DACH2: variants seen among roughly 807,000 people sequenced by gnomAD.
The protein encoded by DACH2 is dachshund homolog 2.
Under a neutral mutation model 35.8 loss-of-function variants are expected in DACH2, and 17 were observed. That is an observed-to-expected ratio of 0.48 (90% CI 0.33 to 0.71). The LOEUF (loss-of-function observed/expected upper bound fraction) is 0.71. Among genes scored for constraint, DACH2 ranks in the 30% least tolerant of loss-of-function variants. The pLI is 0.02. For synonymous variants in DACH2, 195 were observed against 177.3 expected (o/e 1.10, Z -0.79); for missense variants, 469 against 472.7 (o/e 0.99, Z 0.07).
intron 1 of DACH2, among the ~76,000 whole-genome samples, chrX:86,201,595 T>A (rs964137120): frequency 9.0e-6 from 1 of 111,406 alleles, no homozygotes; most frequent in Non-Finnish European, 1.9e-5. Context: ...TTAACTGCTG[T>A]TCATATTTAA....
chrX:86,332,064 G>A (rs191322873), intron 1 of DACH2, among the ~76,000 whole-genome samples: 32 of 111,401 alleles, frequency 2.9e-4, no homozygotes, highest in African/African-American at 1.0e-3. Context: ...TGCCTGAACA[G>A]TATAGTGACT....
Position 86,220,018 on chromosome X carries a change from AG to A in DACH2, c.488+70912del, listed in dbSNP as rs544287157. The stretch of plus-strand genomic sequence containing the variant: ...CTAAAAATACAAAAAAAAAAAAAAA[AG>A]GCCGGGCGTGGTGGTGCATGCCTGT... On this transcript the variant is annotated intron_variant, in intron 1 of 11. Coordinates refer to ENST00000373125, the MANE Select transcript of DACH2 (RefSeq NM_053281.3). Among the ~76,000 whole-genome samples the A allele has an allele frequency of 4.2e-3, 417 of 99,613 alleles. 15 individuals carry two copies. Among genetic ancestry groups the A allele is most frequent in the African/African-American group, 0.01 (280 of 27,479 alleles). 86.5% of individuals were successfully genotyped at this position (99,613 alleles called of 115,157 possible).
At chrX:86,505,196 T>G (rs924471546) in intron 2 of DACH2, among the ~76,000 whole-genome samples, 2 of 111,877 alleles carry the variant, frequency 1.8e-5, no homozygotes, top group Non-Finnish European at 3.8e-5. Flanking sequence ...TTCAAAATGA[T>G]TTCAGTGGAA....
At chrX:86,584,504 A>AT (rs2039543730) in intron 3 of DACH2, among the ~76,000 whole-genome samples, 1 of 109,499 alleles carries the variant, frequency 9.1e-6, no homozygotes, top group Admixed American at 9.8e-5. Context: ...ATTTAGGTTC[A>AT]TTTTTCTCTT....
At chrX:86,709,174 G>T (rs1157112258) in intron 5 of DACH2, among the ~76,000 whole-genome samples, 3 of 111,603 alleles carry the variant, frequency 2.7e-5, no homozygotes, top group African/African-American at 9.8e-5. Flanking sequence ...TAGTAATCAT[G>T]GTAGTGTGAT....
intron 7 of DACH2, among the ~76,000 whole-genome samples, chrX:86,779,167 TA>T (rs941113339): frequency 1.8e-5 from 2 of 111,800 alleles, no homozygotes; most frequent in African/African-American, 6.5e-5. Context: ...GTTATGGAAA[TA>T]ATAGACCAGA....
At chrX:86,175,333 A>G (rs2031265199) in intron 1 of DACH2, among the ~76,000 whole-genome samples, 1 of 112,390 alleles carries the variant, frequency 8.9e-6, no homozygotes. Flanking sequence ...GGATGTGGCA[A>G]TGAAAGTCAA....
In DACH2 at chrX:86,417,848, G is replaced by A. The variant is rs144884075; in HGVS notation, c.527+40986G>A. ...CTCATTTAAATGTCCATAGTTCAAT[G>A]TCTCATCTGAGACAAGGCAAGTACC... On this transcript the variant is annotated intron_variant, in intron 2 of 11. Transcript: ENST00000373125. 3.0e-3 allele frequency among the ~76,000 whole-genome samples: 339 copies of A among 111,399 alleles called. 1 individual carries two copies. The highest frequency in any genetic ancestry group is 0.011 in the African/African-American group (326 of 30,660).
intron 6 of DACH2, among the ~76,000 whole-genome samples, chrX:86,736,097 A>G (rs2041592405): frequency 9.0e-6 from 1 of 111,441 alleles, no homozygotes; most frequent in South Asian, 3.7e-4. Context: ...CAAAGAAGAA[A>G]TTGTTCATAT....
rs192959126 is a variant in DACH2 at position 86,214,000 on chromosome X, C to T, written c.488+64892C>T. 2.9e-3 allele frequency among the ~76,000 whole-genome samples: 319 copies of T among 110,983 alleles called. 1 individual carries two copies. Among genetic ancestry groups the T allele is most frequent in the African/African-American group, 0.01 (308 of 30,699 alleles). ...CTCATTCATACTTTCTGACTTTTGA[C>T]CCCATTTTCAATCATTTACCTAATG... On this transcript the variant is annotated intron_variant, in intron 1 of 11. Coordinates refer to ENST00000373125, the MANE Select transcript of DACH2 (RefSeq NM_053281.3).
chrX:86,656,039 C>G (rs867552014), intron 4 of DACH2, among the ~76,000 whole-genome samples: 6 of 100,650 alleles, frequency 6.0e-5, no homozygotes, highest in Non-Finnish European at 8.2e-5. Context: ...TCCCCCCCCC[C>G]ACTAATCTGT....
intron 3 of DACH2, among the ~76,000 whole-genome samples, chrX:86,630,362 TTATA>T (rs780748425): frequency 9.4e-6 from 1 of 106,797 alleles, no homozygotes; most frequent in Non-Finnish European, 1.9e-5. Context: ...TTGCTTTGAA[TTATA>T]TATATATATA....
chrX:86,455,135 G>A (rs2037451975), intron 2 of DACH2, among the ~76,000 whole-genome samples: 1 of 110,639 alleles, frequency 9.0e-6, no homozygotes, highest in Non-Finnish European at 1.9e-5. Flanking sequence ...AGCAAAGATG[G>A]CAACCTGTTC....
intron 3 of DACH2, among the ~76,000 whole-genome samples, chrX:86,633,387 C>T (rs2040225572): frequency 9.0e-6 from 1 of 110,894 alleles, no homozygotes; most frequent in African/African-American, 3.3e-5. Flanking sequence ...ATACAACCTC[C>T]AAATATTGAA....
At chrX:86,466,336 G>T (rs1031653735) in intron 2 of DACH2, among the ~76,000 whole-genome samples, 4 of 110,891 alleles carry the variant, frequency 3.6e-5, no homozygotes, top group African/African-American at 1.3e-4. Context: ...AATACAAGAT[G>T]AGATTTGGGT....
intron 3 of DACH2, among the ~76,000 whole-genome samples, chrX:86,550,806 A>C (rs2039038542): frequency 8.9e-6 from 1 of 111,848 alleles, no homozygotes; most frequent in Non-Finnish European, 1.9e-5. Context: ...TTTGCTGTGG[A>C]AACTGTTGAG....
intron 6 of DACH2, among the ~76,000 whole-genome samples, chrX:86,717,204 C>T (rs1476571780): frequency 1.8e-5 from 2 of 111,079 alleles, no homozygotes; most frequent in Non-Finnish European, 3.8e-5. Context: ...TACATTGTAC[C>T]CAGTGAGTAA....
At chrX:86,768,872 C>T (rs755247286) in intron 7 of DACH2, among the ~76,000 whole-genome samples, 2 of 110,789 alleles carry the variant, frequency 1.8e-5, no homozygotes, top group African/African-American at 3.3e-5. Flanking sequence ...GTTTAGCTCA[C>T]TAAACTCTCA....
chrX:86,796,861 C>T (rs892422601), intron 7 of DACH2, among the ~76,000 whole-genome samples: 1 of 111,370 alleles, frequency 9.0e-6, no homozygotes, highest in Non-Finnish European at 1.9e-5. Flanking sequence ...CTGGTAGTTG[C>T]CTACAACAGT....
Sources: gnomAD v4.1 joint callset for allele counts (sites outside exome capture counted in the v4.1 genomes callset) on GRCh38, gnomAD v4.1.1 for gene constraint, MANE v1.5 for transcripts, NCBI Gene and HGNC (gene_info 2026-07-23, HGNC 2026-07-21) for gene names.